Variants in CACNA2D3 observed in about 807,000 individuals in gnomAD.
The protein encoded by CACNA2D3 is calcium voltage-gated channel auxiliary subunit alpha2delta 3.
Under a neutral mutation model 160.6 loss-of-function variants are expected in CACNA2D3, and 60 were observed. The ratio of observed to expected loss-of-function variants is 0.37; its 90% CI spans 0.30 to 0.46. The LOEUF is 0.46. Among genes scored for constraint, CACNA2D3 ranks in the 20% least tolerant of loss-of-function variants. The pLI, the probability that CACNA2D3 is intolerant of heterozygous loss-of-function variation, is 1.00. For missense variants in CACNA2D3, 1,205 were observed against 1,365.0 expected, an observed-to-expected ratio of 0.88 and a Z score of 1.85; for synonymous variants, 558 against 492.9, an observed-to-expected ratio of 1.13 and a Z score of -1.75.
intron 5 of CACNA2D3, among the ~76,000 whole-genome samples, chr3:54,543,642 A>G (rs989814568): frequency 1.3e-5 from 2 of 152,222 alleles, no homozygotes; most frequent in African/African-American, 4.8e-5. Context: ...CCAGTGTGAC[A>G]GCACAGCTTG....
At chr3:54,403,931 G>A (rs1699523809) in intron 4 of CACNA2D3, among the ~76,000 whole-genome samples, 1 of 152,114 alleles carries the variant, frequency 6.6e-6, no homozygotes, top group South Asian at 2.1e-4. Context: ...GTTTTGCCAA[G>A]GTTGAATCAG....
At chr3:54,694,715 G>A (rs1053744571) in intron 11 of CACNA2D3, among the ~76,000 whole-genome samples, 19 of 152,116 alleles carry the variant, frequency 1.2e-4, no homozygotes, top group African/African-American at 4.6e-4. Context: ...CTGTATTTGG[G>A]TTCCTTCCCT....
At chr3:55,007,894 G>A (rs1446986646) in intron 33 of CACNA2D3, 52 bp downstream of exon 33, 2 of 1,225,118 alleles carry the variant, frequency 1.6e-6, no homozygotes, top group East Asian at 2.8e-5. Context: ...TTTCCTTTTT[G>A]TATCATAAAG....
chr3:54,736,100 C>CATACAT (rs1254952481), intron 11 of CACNA2D3, among the ~76,000 whole-genome samples: 3,333 of 47,552 alleles, frequency 0.07, 737 homozygotes, highest in Middle Eastern at 0.13. Context: ...TATATATATA[C>CATACAT]ATATATATGT....
chr3:54,803,003 T>G (rs1454253114), intron 13 of CACNA2D3, among the ~76,000 whole-genome samples: 1 of 152,158 alleles, frequency 6.6e-6, no homozygotes, highest in Non-Finnish European at 1.5e-5. Flanking sequence ...GAGGGTCCTG[T>G]CTGGTAGAAG....
chr3:54,666,610 G>A (rs1384657407), intron 11 of CACNA2D3, among the ~76,000 whole-genome samples: 1 of 152,136 alleles, frequency 6.6e-6, no homozygotes, highest in Non-Finnish European at 1.5e-5. Flanking sequence ...CCAATATAAG[G>A]ACTCATTAAT....
intron 2 of CACNA2D3, among the ~76,000 whole-genome samples, chr3:54,133,658 A>ACTT (rs5849030): frequency 0.015 from 2,271 of 152,188 alleles, 56 homozygotes; most frequent in African/African-American, 0.052. Flanking sequence ...AGCTTTCTAT[A>ACTT]CTTCTCCCTT....
intron 2 of CACNA2D3, among the ~76,000 whole-genome samples, chr3:54,189,427 C>T (rs542952950): frequency 2.0e-5 from 3 of 152,280 alleles, no homozygotes; most frequent in East Asian, 1.9e-4. Context: ...GGGCCAAAGT[C>T]GAGCACAAAG....
At position 54,894,710 on chromosome 3, in the gene CACNA2D3, G is replaced by C. The variant is rs979455036; in HGVS notation, c.2247-2039G>C. The stretch of plus-strand genomic sequence containing the variant: ...TCCTGCCATGGGCCAGGCAACAGAG[G>C]CTCCTCCTCACACCGTCCAGGTCAG... On this transcript the variant is annotated intron_variant, in intron 25 of 37. Coordinates refer to ENST00000474759, the MANE Select transcript of CACNA2D3 (RefSeq NM_018398.3). 18 of 478,836 alleles carry C rather than the reference G, an allele frequency of 3.8e-5. 1 individual carries two copies. Among genetic ancestry groups the C allele is most frequent in the South Asian group, 2.6e-4 (17 of 66,040 alleles). The allele number at this position is 478,836 out of a possible 1,614,324, so 29.7% of individuals were successfully genotyped here.
chr3:54,446,771 C>T (rs1530732), intron 4 of CACNA2D3, among the ~76,000 whole-genome samples: 20,450 of 152,038 alleles, frequency 0.13, 1,667 homozygotes, highest in Admixed American at 0.24. Context: ...TGGCAGTGCA[C>T]GATATCTGAC....
At chr3:55,049,934 T>C (rs1185124085) in intron 35 of CACNA2D3, among the ~76,000 whole-genome samples, 1 of 150,780 alleles carries the variant, frequency 6.6e-6, no homozygotes, top group Non-Finnish European at 1.5e-5. Context: ...ACCCCTGCCT[T>C]TTTTTGTTTT....
chr3:54,794,613 T>A (rs1222424300), intron 13 of CACNA2D3, among the ~76,000 whole-genome samples: 4 of 151,890 alleles, frequency 2.6e-5, no homozygotes, highest in Non-Finnish European at 5.9e-5. Flanking sequence ...ATATTTTTTT[T>A]TTTTTTGGTA....
intron 11 of CACNA2D3, among the ~76,000 whole-genome samples, chr3:54,702,076 A>C (rs1700776902): frequency 6.6e-6 from 1 of 152,176 alleles, no homozygotes; most frequent in African/African-American, 2.4e-5. Context: ...GATTGAAACC[A>C]GGCCCTTTCT....
intron 11 of CACNA2D3, among the ~76,000 whole-genome samples, chr3:54,744,710 G>A (rs781107053): frequency 1.3e-5 from 2 of 152,212 alleles, no homozygotes; most frequent in Admixed American, 6.5e-5. Flanking sequence ...ATCTATGGAT[G>A]GAAGACTTGG....
rs145875939 is a variant in CACNA2D3 at position 54,205,422 on chromosome 3, G to A, written c.204+81828G>A. 3.5e-3 allele frequency among the ~76,000 whole-genome samples: 537 copies of A among 152,270 alleles called. 4 individuals are homozygous for A. The highest frequency in any genetic ancestry group is 0.012 in the African/African-American group (512 of 41,538). ...GTGAAAATTTAAAGCAGCTCATAAC[G>A]CTAAGAAAAGCAAAGTTGTACAAGG... On this transcript the variant is annotated intron_variant, in intron 2 of 37. Transcript: ENST00000474759.
intron 11 of CACNA2D3, among the ~76,000 whole-genome samples, chr3:54,728,549 TCTTGA>T (rs1302225739): frequency 1.3e-5 from 2 of 152,194 alleles, no homozygotes; most frequent in Non-Finnish European, 2.9e-5. Context: ...TTTTTTTATC[TCTTGA>T]CTTTTAGTTA....
chr3:54,829,664 T>A (rs1440959187), intron 14 of CACNA2D3, among the ~76,000 whole-genome samples: 1 of 152,078 alleles, frequency 6.6e-6, no homozygotes, highest in Non-Finnish European at 1.5e-5. Flanking sequence ...CTTCCCAGCC[T>A]CACCCCATTA....
chr3:55,039,730 T>C (rs1375051725), intron 35 of CACNA2D3, among the ~76,000 whole-genome samples: 4 of 152,218 alleles, frequency 2.6e-5, no homozygotes, highest in Admixed American at 1.3e-4. Flanking sequence ...TTTTGTTTAT[T>C]GGGAAATGTT....
chr3:54,612,919 G>A (rs1034044646), intron 9 of CACNA2D3, among the ~76,000 whole-genome samples: 1 of 152,178 alleles, frequency 6.6e-6, no homozygotes, highest in Non-Finnish European at 1.5e-5. Context: ...GTGCAGAGGA[G>A]GGGCCCCTGT....
Sources: allele counts gnomAD v4.1 joint callset (sites outside exome capture counted in the v4.1 genomes callset), GRCh38; gene constraint gnomAD v4.1.1; transcripts MANE v1.5; gene names NCBI Gene and HGNC (gene_info 2026-07-23, HGNC 2026-07-21).